CDKAL1: variants seen among roughly 807,000 people sequenced by gnomAD.
CDKAL1 encodes the protein CDKAL1 threonylcarbamoyladenosine tRNA methylthiotransferase.
CDKAL1 carries 32 observed loss-of-function variants against 68.2 expected under a neutral mutation model. The observed-to-expected ratio is 0.47, with a 90% confidence interval of 0.35 to 0.63. CDKAL1 has a LOEUF of 0.63. Among genes scored for constraint, CDKAL1 ranks in the 30% least tolerant of loss-of-function variants. The pLI, the probability that CDKAL1 is intolerant of heterozygous loss-of-function variation, is 0.00. For synonymous variants in CDKAL1, 234 were observed against 244.3 expected, an observed-to-expected ratio of 0.96 and a Z score of 0.39; for missense variants, 606 against 696.7, an observed-to-expected ratio of 0.87 and a Z score of 1.47.
chr6:20,820,457 G>C (rs1462276729), intron 8 of CDKAL1, among the ~76,000 whole-genome samples: 2 of 152,100 alleles, frequency 1.3e-5, no homozygotes, highest in Non-Finnish European at 2.9e-5. Context: ...TAACTATTAA[G>C]TAATTTATTT....
chr6:20,803,063 G>A (rs569285307), intron 8 of CDKAL1, among the ~76,000 whole-genome samples: 44 of 152,306 alleles, frequency 2.9e-4, no homozygotes, highest in African/African-American at 1.1e-3. Flanking sequence ...ATAACCTGAA[G>A]CCACGTTTGT....
At chr6:21,172,464 T>C (rs1374981825) in intron 13 of CDKAL1, among the ~76,000 whole-genome samples, 2 of 152,194 alleles carry the variant, frequency 1.3e-5, no homozygotes, top group African/African-American at 4.8e-5. Context: ...TTGAAAGCTT[T>C]CTTGGCTGGG....
At chr6:20,810,660 GTGTGTA>G (rs1561796742) in intron 8 of CDKAL1, among the ~76,000 whole-genome samples, 1 of 107,374 alleles carries the variant, frequency 9.3e-6, no homozygotes, top group Non-Finnish European at 2.0e-5. Flanking sequence ...GTGTGTGTGT[GTGTGTA>G]ATATATTGCT....
At chr6:20,781,412 G>A in intron 8 of CDKAL1, 147 bp downstream of exon 8, 1 of 660,294 alleles carries the variant, frequency 1.5e-6, no homozygotes, top group Non-Finnish European at 2.5e-6. Context: ...AGTTTCTTCT[G>A]AAATGTTTCC....
chr6:21,074,157 A>G (rs1290882029), intron 12 of CDKAL1, among the ~76,000 whole-genome samples: 1 of 152,180 alleles, frequency 6.6e-6, no homozygotes, highest in Non-Finnish European at 1.5e-5. Context: ...TACAAGTACA[A>G]AGAAAAGCCT....
At chr6:20,865,736 A>G (rs1759875917) in intron 9 of CDKAL1, among the ~76,000 whole-genome samples, 1 of 152,172 alleles carries the variant, frequency 6.6e-6, no homozygotes, top group Non-Finnish European at 1.5e-5. Context: ...TGGATATAGT[A>G]ATGATAATGA....
chr6:20,896,098 C>CT (rs1291895133), intron 9 of CDKAL1, among the ~76,000 whole-genome samples: 6,594 of 102,810 alleles, frequency 0.064, 325 homozygotes, highest in South Asian at 0.11. Context: ...CTTTTCTTTT[C>CT]TTTTCTTTTT....
At chr6:20,698,216 C>G (rs1771189388) in intron 5 of CDKAL1, among the ~76,000 whole-genome samples, 1 of 152,156 alleles carries the variant, frequency 6.6e-6, no homozygotes, top group African/African-American at 2.4e-5. Flanking sequence ...AAAATCCCCA[C>G]TGAACAAAAT....
At chr6:20,996,179 T>C (rs564151283) in intron 10 of CDKAL1, among the ~76,000 whole-genome samples, 1 of 152,370 alleles carries the variant, frequency 6.6e-6, no homozygotes, top group Admixed American at 6.5e-5. Flanking sequence ...ATGTTGTGGC[T>C]GGTTTGATCA....
intron 4 of CDKAL1, among the ~76,000 whole-genome samples, chr6:20,614,163 A>G (rs895418521): frequency 6.6e-6 from 1 of 152,018 alleles, no homozygotes; most frequent in African/African-American, 2.4e-5. Context: ...TGGGAAATCA[A>G]CCCTTCATGA....
At chr6:20,988,785 G>T (rs1766626547) in intron 10 of CDKAL1, among the ~76,000 whole-genome samples, 1 of 151,158 alleles carries the variant, frequency 6.6e-6, no homozygotes, top group African/African-American at 2.4e-5. Flanking sequence ...CAGTAGCTAG[G>T]ATTACAGGCA....
chr6:20,704,399 T>G (rs988091633), intron 5 of CDKAL1, among the ~76,000 whole-genome samples: 1 of 152,006 alleles, frequency 6.6e-6, no homozygotes, highest in Non-Finnish European at 1.5e-5. Context: ...AGCAGGGACC[T>G]GAATGAAATA....
chr6:20,618,858 T>G (rs1232161868), intron 4 of CDKAL1, among the ~76,000 whole-genome samples: 4 of 152,032 alleles, frequency 2.6e-5, no homozygotes, highest in Non-Finnish European at 5.9e-5. Flanking sequence ...TTTGTATTTT[T>G]TGTGGAGATG....
chr6:20,836,546 A>G (rs1355596732), intron 8 of CDKAL1, among the ~76,000 whole-genome samples: 1 of 152,142 alleles, frequency 6.6e-6, no homozygotes, highest in Non-Finnish European at 1.5e-5. Context: ...CAGCTGGCAC[A>G]TTCCTTGCTC....
At chr6:21,171,121 AGGTT>A (rs767294889) in intron 13 of CDKAL1, among the ~76,000 whole-genome samples, 91 of 152,336 alleles carry the variant, frequency 6.0e-4, no homozygotes, top group Middle Eastern at 6.8e-3. Context: ...TCCAGCACAC[AGGTT>A]TCACCATTAT....
At chr6:21,110,039 A>T (rs977937277) in intron 13 of CDKAL1, among the ~76,000 whole-genome samples, 1 of 152,162 alleles carries the variant, frequency 6.6e-6, no homozygotes, top group African/African-American at 2.4e-5. Flanking sequence ...GCTTCCCTTC[A>T]TTCCTCTACA....
At chr6:20,768,338 T>C (rs139028427) in intron 7 of CDKAL1, among the ~76,000 whole-genome samples, 1 of 152,336 alleles carries the variant, frequency 6.6e-6, no homozygotes, top group African/African-American at 2.4e-5. Context: ...TGCATGCGTC[T>C]GTAATATAAA....
At chr6:20,995,105 A>C (rs552466855) in intron 10 of CDKAL1, among the ~76,000 whole-genome samples, 2 of 152,308 alleles carry the variant, frequency 1.3e-5, no homozygotes, top group African/African-American at 4.8e-5. Context: ...TTTGATGATG[A>C]GATTGCAGCA....
At chr6:21,223,113 CTG>C (rs1401640124) in intron 15 of CDKAL1, among the ~76,000 whole-genome samples, 1 of 152,162 alleles carries the variant, frequency 6.6e-6, no homozygotes, top group Middle Eastern at 3.2e-3. Flanking sequence ...ACCATTACCT[CTG>C]TGAGGTGCAG....
Sources: gnomAD v4.1 joint callset for allele counts (sites outside exome capture counted in the v4.1 genomes callset) on GRCh38, gnomAD v4.1.1 for gene constraint, MANE v1.5 for transcripts, NCBI Gene and HGNC (gene_info 2026-07-23, HGNC 2026-07-21) for gene names.